Variants in LRFN2 observed in about 807,000 individuals in gnomAD.
The protein encoded by LRFN2 is leucine-rich repeat and fibronectin type-III domain-containing protein 2.
In LRFN2, 18 loss-of-function variants were observed where a neutral mutation model predicts 37.3. That is an observed-to-expected ratio of 0.48 (90% CI 0.33 to 0.72). The LOEUF (loss-of-function observed/expected upper bound fraction) is 0.72, where lower values mean the gene tolerates loss of function less well. Among genes scored for constraint, LRFN2 ranks in the 30% least tolerant of loss-of-function variants. The probability of loss-of-function intolerance (pLI) is 0.02; values close to 1 mark genes in which losing one functional copy is unlikely to be tolerated. For missense variants in LRFN2, 1,006 were observed against 1,060.7 expected (o/e 0.95, Z 0.72); for synonymous variants, 556 against 466.6 (o/e 1.19, Z -2.47).
At chr6:40,530,638 C>G (rs1160865019) in intron 1 of LRFN2, among the ~76,000 whole-genome samples, 1 of 151,892 alleles carries the variant, frequency 6.6e-6, no homozygotes. Context: ...TCCCCAGGAC[C>G]CGTCACCCCC....
chr6:40,523,426 G>T (rs1009189266), intron 1 of LRFN2, among the ~76,000 whole-genome samples: 1 of 151,502 alleles, frequency 6.6e-6, no homozygotes, highest in South Asian at 2.1e-4. Flanking sequence ...AAGTGGTGAA[G>T]GATAATTTAA....
chr6:40,443,985 C>G (rs1026875943), intron 1 of LRFN2, among the ~76,000 whole-genome samples: 1 of 152,134 alleles, frequency 6.6e-6, no homozygotes, highest in Non-Finnish European at 1.5e-5. Flanking sequence ...AGGGAGCTGG[C>G]CAAGGGAATT....
intron 1 of LRFN2, among the ~76,000 whole-genome samples, chr6:40,471,504 A>G (rs1764594455): frequency 6.6e-6 from 1 of 152,018 alleles, no homozygotes; most frequent in South Asian, 2.1e-4. Flanking sequence ...CATGCTGTTG[A>G]GCGTTCAGCC....
intron 1 of LRFN2, among the ~76,000 whole-genome samples, chr6:40,551,278 G>A (rs916133374): frequency 6.6e-6 from 1 of 152,210 alleles, no homozygotes; most frequent in Admixed American, 6.5e-5. Flanking sequence ...AGCAACTGAG[G>A]TAGGGTCTCT....
intron 1 of LRFN2, among the ~76,000 whole-genome samples, chr6:40,516,787 AT>A (rs1765889967): frequency 6.6e-6 from 1 of 152,084 alleles, no homozygotes. Context: ...GTGGGTCCCC[AT>A]TCTGAGCCTT....
intron 2 of LRFN2, among the ~76,000 whole-genome samples, chr6:40,401,611 G>T (rs571798521): frequency 1.3e-5 from 2 of 152,192 alleles, no homozygotes; most frequent in Non-Finnish European, 2.9e-5. Context: ...GACACCCACA[G>T]GTTAGATGAA....
At chr6:40,535,180 T>G (rs770689991) in intron 1 of LRFN2, among the ~76,000 whole-genome samples, 3 of 152,132 alleles carry the variant, frequency 2.0e-5, no homozygotes, top group Non-Finnish European at 4.4e-5. Context: ...TGTTATGGGA[T>G]CATAAACCTG....
chr6:40,500,781 G>C (rs1023447539), intron 1 of LRFN2, among the ~76,000 whole-genome samples: 1 of 152,200 alleles, frequency 6.6e-6, no homozygotes, highest in Non-Finnish European at 1.5e-5. Flanking sequence ...AAGGAAAACA[G>C]TGGGCCTAGA....
chr6:40,536,400 A>C (rs1490943161), intron 1 of LRFN2, among the ~76,000 whole-genome samples: 1 of 152,166 alleles, frequency 6.6e-6, no homozygotes, highest in Non-Finnish European at 1.5e-5. Flanking sequence ...CTGGAACCGA[A>C]CCCAGAACAT....
At chr6:40,440,676 A>G (rs1267689559) in intron 1 of LRFN2, among the ~76,000 whole-genome samples, 1 of 152,116 alleles carries the variant, frequency 6.6e-6, no homozygotes, top group East Asian at 1.9e-4. Flanking sequence ...AGTGAGGGAG[A>G]CAGAGGATAA....
rs186365267 is a variant in LRFN2, at chr6:40,453,431, G to A, written c.-18-20300C>T. 1.2e-4 allele frequency among the ~76,000 whole-genome samples: 18 copies of A among 150,728 alleles called. No homozygotes were observed. In the East Asian group the frequency reaches 2.2e-3, roughly 18 times the overall value. ...CAAGGATCACCCCACAACACCCACC[G>A]CAACCACCCTTAGCAATGCCAGGCC... is the stretch of plus-strand genomic sequence containing the variant. On this transcript the variant is annotated intron_variant, in intron 1 of 2. Transcript: ENST00000338305.
rs570617388 is a variant in LRFN2, at chr6:40,515,695, C to A, written c.-19+71246G>T. Among the ~76,000 whole-genome samples, 432 of 152,192 alleles carry A rather than the reference C, an allele frequency of 2.8e-3. 4 individuals carry two copies. The highest frequency in any genetic ancestry group is 8.8e-3 in the African/African-American group (366 of 41,530). On this transcript the variant is annotated intron_variant, in intron 1 of 2. Coordinates refer to ENST00000338305, the MANE Select transcript of LRFN2 (RefSeq NM_020737.3). ...CCTGAGGTCAGGAGTTCAAGACCAG[C>A]CTGGCCAACGTGGTGAAACCCCGTC...
At position 40,508,714 on chromosome 6, in the gene LRFN2, G is replaced by A. The variant is rs9394701; in HGVS notation, c.-18-75583C>T. ...ACTTAATACATGTAAGACACATAAA[G>A]CTGTGCTTGGCATGACATTAGTGTT... is the stretch of plus-strand genomic sequence containing the variant. On this transcript the variant is annotated intron_variant, in intron 1 of 2. Transcript: ENST00000338305. Among the ~76,000 whole-genome samples, 1,014 of 152,304 alleles carry A rather than the reference G, an allele frequency of 6.7e-3. 39 individuals carry two copies. In the East Asian group the frequency reaches 0.11, roughly 16 times the overall value.
intron 2 of LRFN2, among the ~76,000 whole-genome samples, chr6:40,426,434 A>T (rs1247805161): frequency 2.0e-5 from 3 of 152,100 alleles, no homozygotes; most frequent in African/African-American, 7.2e-5. Context: ...CCAAATGTTG[A>T]CTCTATAGCT....
intron 1 of LRFN2, among the ~76,000 whole-genome samples, chr6:40,487,761 C>T (rs1001093091): frequency 1.3e-5 from 2 of 152,208 alleles, no homozygotes; most frequent in African/African-American, 2.4e-5. Context: ...AGCTACCAGG[C>T]CCACTGTGTA....
Position 40,543,001 on chromosome 6 carries a change from G to A in LRFN2, c.-19+43940C>T, listed in dbSNP as rs146773289. Among the ~76,000 whole-genome samples, 27 of 152,316 alleles carry A rather than the reference G, an allele frequency of 1.8e-4. No individual in the cohort carries two copies. The East Asian group carries it at 3.9e-3, about 22-fold the overall frequency. ...GTCCTAATTCCCAGTCCCACATCCC[G>A]TCACTTAGATGTTTCATCTGCAAAA... On this transcript the variant is annotated intron_variant, in intron 1 of 2. Transcript: ENST00000338305.
At chr6:40,575,172 G>T (rs2494944) in intron 1 of LRFN2, among the ~76,000 whole-genome samples, 101,508 of 152,048 alleles carry the variant, frequency 0.67, 35,188 homozygotes, top group African/African-American at 0.84. Flanking sequence ...TGGGCAGCAC[G>T]CAGCAGGGCC....
intron 2 of LRFN2, among the ~76,000 whole-genome samples, chr6:40,428,285 A>G (rs916531479): frequency 9.2e-5 from 14 of 152,164 alleles, no homozygotes; most frequent in Non-Finnish European, 1.3e-4. Flanking sequence ...CCTCTTTCCC[A>G]ATCAACATTT....
At chr6:40,450,841 G>A (rs1172762936) in intron 1 of LRFN2, among the ~76,000 whole-genome samples, 1 of 152,224 alleles carries the variant, frequency 6.6e-6, no homozygotes, top group Admixed American at 6.5e-5. Context: ...AAGCAAATGA[G>A]TATTATCTCG....
Sources: allele counts gnomAD v4.1 joint callset (sites outside exome capture counted in the v4.1 genomes callset), GRCh38; gene constraint gnomAD v4.1.1; transcripts MANE v1.5; gene names NCBI Gene and HGNC (gene_info 2026-07-23, HGNC 2026-07-21).